Variants in PLEKHO2 observed in about 807,000 individuals in gnomAD.
PLEKHO2 encodes pleckstrin homology domain-containing family O member 2.
A neutral mutation model predicts 32.7 loss-of-function variants in PLEKHO2; 20 were observed. The ratio of observed to expected loss-of-function variants is 0.61; its 90% CI spans 0.43 to 0.89. The LOEUF is 0.89. PLEKHO2 is among the 40% of genes least tolerant of loss of function. The pLI, the probability that PLEKHO2 is intolerant of heterozygous loss-of-function variation, is 0.00. For synonymous variants in PLEKHO2, 247 were observed against 246.3 expected (o/e 1.00, Z -0.03); for missense variants, 568 against 621.2 (o/e 0.91, Z 0.91).
At position 64,866,173 on chromosome 15, in the gene PLEKHO2, GTCGTT is replaced by G; in HGVS notation, c.*286_*290del. ...ACGCTGGGACCTATGTGTTTGTGTG[GTCGTT>G]CCAAACTGCCCCAGGGCTTTGGGGG... On this transcript the variant is annotated 3_prime_UTR_variant, in exon 6 of 6. Coordinates refer to ENST00000323544, the MANE Select transcript of PLEKHO2 (RefSeq NM_025201.5). 1 of 531,046 alleles carries G rather than the reference GTCGTT, an allele frequency of 1.9e-6. No homozygotes were observed. The highest frequency in any genetic ancestry group is 3.5e-6 in the Non-Finnish European group (1 of 289,408). 32.9% of individuals were successfully genotyped at this position (531,046 alleles called of 1,614,324 possible).
chr15:64,842,674 G>A (rs1294405129), intron 1 of PLEKHO2, among the ~76,000 whole-genome samples: 1 of 152,128 alleles, frequency 6.6e-6, no homozygotes, highest in African/African-American at 2.4e-5. Flanking sequence ...AAGGAATCGG[G>A]AGTCCGGCCC....
At position 64,865,683 on chromosome 15, in the gene PLEKHO2, C is replaced by T. The variant is rs751300095; in HGVS notation, c.1268C>T (p.Thr423Met). 2.2e-5 allele frequency: 36 copies of T among 1,614,082 alleles called. No homozygotes were observed. The highest frequency in any genetic ancestry group is 8.3e-5 in the Admixed American group (5 of 60,004). The stretch of plus-strand genomic sequence containing the variant: ...GAGGTGAAGGTGGCCTCGGAACAGA[C>T]GGAGAAACTGTTGAACAAGGTGCTG... ...QLEVKVASEQ[T>M]EKLLNKVLGS... The change falls in exon 6 of 6, where the codon ACG (threonine) becomes ATG (methionine). Residue 423 changes from threonine (T) to methionine (M), a missense_variant. Coordinates refer to ENST00000323544, the MANE Select transcript of PLEKHO2 (RefSeq NM_025201.5).
chr15:64,854,507 C>G (rs1244782786), intron 2 of PLEKHO2, among the ~76,000 whole-genome samples: 1 of 152,164 alleles, frequency 6.6e-6, no homozygotes, highest in Non-Finnish European at 1.5e-5. Context: ...AGTCGTTGTC[C>G]CCCGTCCCCA....
chr15:64,852,699 C>T (rs1210998797), intron 2 of PLEKHO2, among the ~76,000 whole-genome samples: 2 of 151,914 alleles, frequency 1.3e-5, no homozygotes, highest in East Asian at 3.9e-4. Context: ...CGGCTCTCTG[C>T]AGCCTCCGCC....
chr15:64,850,922 G>A (rs2084563212), intron 2 of PLEKHO2, among the ~76,000 whole-genome samples: 1 of 152,230 alleles, frequency 6.6e-6, no homozygotes. Context: ...AATACCTGGG[G>A]AAGAATTGGC....
intron 1 of PLEKHO2, 78 bp from the exon 2 acceptor site, chr15:64,848,515 C>T (rs748309567): frequency 1.2e-4 from 188 of 1,547,874 alleles, no homozygotes; most frequent in Admixed American, 1.5e-4. Flanking sequence ...GGGACACATC[C>T]CTTGTGTGAC....
rs2084694274 is a variant in PLEKHO2 at position 64,867,006 on chromosome 15, C to G, written c.*1118C>G. The G allele has an allele frequency of 6.5e-6, 1 of 153,044 alleles. No individual in the cohort carries two copies. The highest frequency in any genetic ancestry group is 2.4e-5 in the African/African-American group (1 of 41,446). 9.5% of individuals were successfully genotyped at this position (153,044 alleles called of 1,614,324 possible). A position where few individuals can be genotyped will look rare whatever the true frequency, so the allele number is the denominator to read the frequency against. On this transcript the variant is annotated 3_prime_UTR_variant, in exon 6 of 6. Transcript: ENST00000323544. ...TCCTGGTCCATCCCTGCACCCTGGTCCTCTCCCAGCCTCTCCCCCACATTG... is the reference window on the plus strand; with the variant it reads ...TCCTGGTCCATCCCTGCACCCTGGTGCTCTCCCAGCCTCTCCCCCACATTG...
At chr15:64,847,210 G>A (rs563276445) in intron 1 of PLEKHO2, among the ~76,000 whole-genome samples, 1 of 152,338 alleles carries the variant, frequency 6.6e-6, no homozygotes, top group African/African-American at 2.4e-5. Flanking sequence ...AGGGAAGCCA[G>A]GTCTTCCCAG....
At chr15:64,860,414 C>T (rs576082492) in intron 4 of PLEKHO2, among the ~76,000 whole-genome samples, 43 of 152,308 alleles carry the variant, frequency 2.8e-4, no homozygotes, top group Middle Eastern at 3.4e-3. Flanking sequence ...CTGGGCCTCC[C>T]TCTCTGTCTG....
intron 1 of PLEKHO2, among the ~76,000 whole-genome samples, chr15:64,847,220 G>T (rs575309372): frequency 7.2e-5 from 11 of 152,326 alleles, no homozygotes; most frequent in African/African-American, 2.6e-4. Flanking sequence ...GGTCTTCCCA[G>T]CTCCTGACAG....
At position 64,851,610 on chromosome 15, in the gene PLEKHO2, G is replaced by C. The variant is rs191115250; in HGVS notation, c.162+2868G>C. Among the ~76,000 whole-genome samples, 17 of 152,274 alleles carry C rather than the reference G, an allele frequency of 1.1e-4. No individual in the cohort carries two copies. The East Asian group carries it at 3.3e-3, about 29-fold the overall frequency. On this transcript the variant is annotated intron_variant, in intron 2 of 5. Coordinates refer to ENST00000323544, the MANE Select transcript of PLEKHO2 (RefSeq NM_025201.5). ...AACTAGGCGAATGCGAATGGCTCTT[G>C]GCTGTTTCTTTGCTGTCAGAGAGGC...
At chr15:64,853,849 A>G (rs1407980477) in intron 2 of PLEKHO2, among the ~76,000 whole-genome samples, 1 of 152,160 alleles carries the variant, frequency 6.6e-6, no homozygotes, top group African/African-American at 2.4e-5. Context: ...TGAGGCAGAT[A>G]TGGGGCTGCA....
At chr15:64,849,742 G>C (rs7179562) in intron 2 of PLEKHO2, among the ~76,000 whole-genome samples, 105,012 of 148,762 alleles carry the variant, frequency 0.71, 37,856 homozygotes, top group East Asian at 0.94. Flanking sequence ...CGTGCCCAGC[G>C]GAGAGTTCTT....
intron 2 of PLEKHO2, among the ~76,000 whole-genome samples, chr15:64,849,824 T>G (rs1476979428): frequency 6.7e-6 from 1 of 150,076 alleles, no homozygotes; most frequent in African/African-American, 2.5e-5. Context: ...GTGAATGTTA[T>G]GGAAAACTGA....
intron 3 of PLEKHO2, among the ~76,000 whole-genome samples, chr15:64,857,854 G>A (rs905628564): frequency 1.3e-5 from 2 of 152,200 alleles, no homozygotes; most frequent in African/African-American, 4.8e-5. Flanking sequence ...CCAGAGTAAT[G>A]AAGCGAGTAG....
In PLEKHO2 at chr15:64,866,477, G is replaced by C. The variant is rs1184227195; in HGVS notation, c.*589G>C. On this transcript the variant is annotated 3_prime_UTR_variant, in exon 6 of 6. Transcript: ENST00000323544. ...CTGGAGCCTCTTGAGGGAGATGAGA[G>C]GCCTCTTTGTGAGGAGGACATTAGC... is the stretch of plus-strand genomic sequence containing the variant. 1 of 440,702 alleles carries C rather than the reference G, an allele frequency of 2.3e-6. No homozygotes were observed. Among genetic ancestry groups the C allele is most frequent in the Non-Finnish European group, 4.6e-6 (1 of 218,466 alleles). The allele number at this position is 440,702 out of a possible 1,614,324, so 27.3% of individuals were successfully genotyped here. A position where few individuals can be genotyped will look rare whatever the true frequency, so the allele number is the denominator to read the frequency against.
chr15:64,842,039 G>A lies in PLEKHO2; in HGVS notation c.12+11G>A, dbSNP rs1008577105. On this transcript the variant is annotated intron_variant, in intron 1 of 5. Coordinates refer to ENST00000323544, the MANE Select transcript of PLEKHO2 (RefSeq NM_025201.5). Reference sequence around the variant, plus strand: ...GCCATGGAGGAGGAGGTGAGGGCGGGGCCCGGCGGGGCGTTGGGCTGGGGT... The same window carrying A: ...GCCATGGAGGAGGAGGTGAGGGCGGAGCCCGGCGGGGCGTTGGGCTGGGGT... 345 of 1,239,524 alleles carry A rather than the reference G, an allele frequency of 2.8e-4. No individual in the cohort carries two copies. Among genetic ancestry groups the A allele is most frequent in the Non-Finnish European group, 3.2e-4 (322 of 991,406 alleles). 76.8% of individuals were successfully genotyped at this position (1,239,524 alleles called of 1,614,324 possible).
intron 3 of PLEKHO2, among the ~76,000 whole-genome samples, chr15:64,856,664 G>A (rs1045084440): frequency 1.3e-5 from 2 of 152,158 alleles, no homozygotes; most frequent in African/African-American, 4.8e-5. Context: ...ATTTAGGCTG[G>A]CTCTGAGAAC....
rs144284040 is a variant in PLEKHO2, at chr15:64,846,074, G to A, written c.13-2519G>A. ...TTGTCAGTGTGAAATGTGGGGGTGGGGTTTCCCATTTCCCTGTTCTTCCCT... is the reference window on the plus strand; with the variant it reads ...TTGTCAGTGTGAAATGTGGGGGTGGAGTTTCCCATTTCCCTGTTCTTCCCT... On this transcript the variant is annotated intron_variant, in intron 1 of 5. Coordinates refer to ENST00000323544, the MANE Select transcript of PLEKHO2 (RefSeq NM_025201.5). Among the ~76,000 whole-genome samples the A allele has an allele frequency of 2.0e-3, 310 of 152,260 alleles. 3 individuals carry two copies. The highest frequency in any genetic ancestry group is 6.8e-3 in the African/African-American group (282 of 41,544).
Sources: gnomAD v4.1 joint callset for allele counts (sites outside exome capture counted in the v4.1 genomes callset) on GRCh38, gnomAD v4.1.1 for gene constraint, MANE v1.5 for transcripts, NCBI Gene and HGNC (gene_info 2026-07-23, HGNC 2026-07-21) for gene names.